Variants in GAS2 observed in about 807,000 individuals in gnomAD.
The protein encoded by GAS2 is growth arrest specific 2, also known as growth arrest-specific protein 2.
GAS2 carries 20 observed loss-of-function variants against 37.5 expected under a neutral mutation model. That is an observed-to-expected ratio of 0.53 (90% CI 0.37 to 0.77). The LOEUF is 0.77. Ranked by LOEUF, GAS2 falls within the 30% of genes least tolerant of loss-of-function variation. The pLI is 0.00. For synonymous variants in GAS2, 144 were observed against 132.2 expected (o/e 1.09, Z -0.61); for missense variants, 336 against 373.4 (o/e 0.90, Z 0.82).
chr11:22,686,610 C>G (rs1849969944), intron 3 of GAS2, among the ~76,000 whole-genome samples: 1 of 135,360 alleles, frequency 7.4e-6, no homozygotes, highest in African/African-American at 2.7e-5. Context: ...AATAGCCTGG[C>G]ATCATGACAC....
chr11:22,788,960 A>G (rs1324982249), intron 7 of GAS2, among the ~76,000 whole-genome samples: 2 of 152,104 alleles, frequency 1.3e-5, no homozygotes, highest in African/African-American at 4.8e-5. Context: ...ATTACTCAGT[A>G]ATTATTAATT....
At chr11:22,799,010 T>A (rs575716565) in intron 7 of GAS2, among the ~76,000 whole-genome samples, 1 of 152,206 alleles carries the variant, frequency 6.6e-6, no homozygotes, top group East Asian at 1.9e-4. Flanking sequence ...CTAAAAACAA[T>A]ATTTTCTCTC....
intron 3 of GAS2, among the ~76,000 whole-genome samples, chr11:22,705,652 G>A (rs942703487): frequency 6.6e-6 from 1 of 152,100 alleles, no homozygotes. Context: ...ACATTACAAT[G>A]AAAACATTCA....
intron 7 of GAS2, among the ~76,000 whole-genome samples, chr11:22,772,331 G>C (rs1015855825): frequency 6.6e-6 from 1 of 152,066 alleles, no homozygotes; most frequent in South Asian, 2.1e-4. Flanking sequence ...AGATGTTGGC[G>C]GACAGGTTTT....
intron 2 of GAS2, among the ~76,000 whole-genome samples, chr11:22,679,696 T>C (rs1003672178): frequency 5.9e-5 from 9 of 152,168 alleles, no homozygotes; most frequent in Non-Finnish European, 1.2e-4. Flanking sequence ...TCTAATGCTA[T>C]ATAAATTACA....
intron 3 of GAS2, among the ~76,000 whole-genome samples, chr11:22,697,841 T>G (rs1850612254): frequency 1.3e-5 from 2 of 152,312 alleles, no homozygotes; most frequent in African/African-American, 4.8e-5. Context: ...AAGGAGATTT[T>G]GGGCTGAGAC....
chr11:22,677,280 C>T (rs1018026929), intron 2 of GAS2, among the ~76,000 whole-genome samples: 33 of 152,018 alleles, frequency 2.2e-4, no homozygotes, highest in African/African-American at 7.0e-4. Context: ...CCAGACCAAA[C>T]ATGGGGTAAG....
intron 7 of GAS2, among the ~76,000 whole-genome samples, chr11:22,780,748 G>GATGT (rs1288551692): frequency 5.9e-5 from 9 of 151,450 alleles, no homozygotes; most frequent in Admixed American, 5.9e-4. Context: ...ACTGGTGGTA[G>GATGT]GTCTCAGACA....
chr11:22,645,181 G>A (rs559879731), intron 1 of GAS2, among the ~76,000 whole-genome samples: 20 of 152,130 alleles, frequency 1.3e-4, no homozygotes, highest in Admixed American at 2.6e-4. Context: ...GGTAGAAGAC[G>A]GAAAGCAGTG....
chr11:22,704,820 C>T (rs1200932610), intron 3 of GAS2, among the ~76,000 whole-genome samples: 1 of 151,506 alleles, frequency 6.6e-6, no homozygotes, highest in Non-Finnish European at 1.5e-5. Context: ...AATGTGTATG[C>T]AAATATATAT....
chr11:22,803,558 C>A (rs1233434205), intron 7 of GAS2, among the ~76,000 whole-genome samples: 1 of 152,104 alleles, frequency 6.6e-6, no homozygotes, highest in African/African-American at 2.4e-5. Flanking sequence ...TGTCCCAGTT[C>A]TGCTACTGAT....
intron 1 of GAS2, chr11:22,626,799 CAAATTT>C (rs1858662028): frequency 6.6e-6 from 1 of 152,056 alleles, no homozygotes; most frequent in South Asian, 2.1e-4. Flanking sequence ...GGAAGAGAAA[CAAATTT>C]AAAAGAGGGG....
At chr11:22,678,821 C>G (rs76641049) in intron 2 of GAS2, among the ~76,000 whole-genome samples, 33 of 151,936 alleles carry the variant, frequency 2.2e-4, no homozygotes, top group African/African-American at 8.0e-4. Context: ...AGTTCATAAA[C>G]CAGTGTTCAT....
At chr11:22,641,668 G>A (rs1468231490) in intron 1 of GAS2, among the ~76,000 whole-genome samples, 10 of 151,932 alleles carry the variant, frequency 6.6e-5, no homozygotes, top group Non-Finnish European at 1.2e-4. Context: ...TAAATATTAG[G>A]CTATTAAATT....
chr11:22,732,474 A>T (rs1041432558), intron 4 of GAS2, among the ~76,000 whole-genome samples: 5 of 151,802 alleles, frequency 3.3e-5, no homozygotes, highest in Admixed American at 1.3e-4. Flanking sequence ...ATACTCACAC[A>T]CATCATTATT....
At chr11:22,761,159 C>T (rs774294074) in intron 7 of GAS2, among the ~76,000 whole-genome samples, 6 of 152,150 alleles carry the variant, frequency 3.9e-5, no homozygotes, top group Non-Finnish European at 7.4e-5. Flanking sequence ...TATGCCTTGT[C>T]TTTCCTTATC....
Position 22,811,958 on chromosome 11 carries a change from A to C in GAS2, c.884A>C (p.Asn295Thr), listed in dbSNP as rs1387226158. 6.2e-7 allele frequency: 1 copy of C among 1,614,190 alleles called. No individual in the cohort carries two copies. The highest frequency in any genetic ancestry group is 1.3e-5 in the African/African-American group (1 of 75,060). ...QSKSPTLKDM[N>T]PDNYLVVSAS... ...AAATCTCCAACTCTAAAGGACATGA[A>C]TCCAGATAACTACTTGGTGGTCTCT... Residue 295 changes from asparagine to threonine, a missense_variant, in exon 8 of 8, where the codon AAT becomes ACT. Coordinates refer to ENST00000454584, the MANE Select transcript of GAS2 (RefSeq NM_001143830.3).
upstream of GAS2, among the ~76,000 whole-genome samples, chr11:22,662,150 G>T (rs984941678): frequency 1.6e-4 from 25 of 152,062 alleles, no homozygotes; most frequent in Non-Finnish European, 3.4e-4. Context: ...TGTTATATTG[G>T]CTATGATTAA....
chr11:22,679,777 T>A (rs1199439943), intron 2 of GAS2, among the ~76,000 whole-genome samples: 2 of 152,064 alleles, frequency 1.3e-5, no homozygotes, highest in Admixed American at 1.3e-4. Context: ...AGCTTATAGA[T>A]CTTTAGGATA....
Sources: gnomAD v4.1 joint callset for allele counts (sites outside exome capture counted in the v4.1 genomes callset) on GRCh38, gnomAD v4.1.1 for gene constraint, MANE v1.5 for transcripts, NCBI Gene and HGNC (gene_info 2026-07-23, HGNC 2026-07-21) for gene names.